Variants in POMK observed in about 807,000 individuals in gnomAD.
POMK encodes the protein protein O-mannose kinase, also known as Sugen kinase 196.
Under a neutral mutation model 23.0 loss-of-function variants are expected in POMK, and 19 were observed. That is an observed-to-expected ratio of 0.83 (90% confidence interval 0.58 to 1.21). The LOEUF (loss-of-function observed/expected upper bound fraction) is 1.21, where lower values mean the gene tolerates loss of function less well. POMK is among the 50% of genes most tolerant of loss of function. POMK has a pLI of 0.00. For missense variants in POMK, 410 were observed against 431.3 expected (o/e 0.95, Z 0.44); for synonymous variants, 173 against 171.6 (o/e 1.01, Z -0.06).
At chr8:43,116,839 T>C (rs1811808584) in intron 4 of POMK, among the ~76,000 whole-genome samples, 1 of 152,214 alleles carries the variant, frequency 6.6e-6, no homozygotes, top group Non-Finnish European at 1.5e-5. Flanking sequence ...CCAAACAGGC[T>C]TTGTGTGAGC....
chr8:43,102,147 C>T (rs1811457654), intron 2 of POMK, among the ~76,000 whole-genome samples: 1 of 152,200 alleles, frequency 6.6e-6, no homozygotes, highest in South Asian at 2.1e-4. Context: ...CTGTCTTCCC[C>T]ACTAGACTTT....
chr8:43,093,784 C>G (rs1437996442), intron 1 of POMK, among the ~76,000 whole-genome samples: 10 of 152,228 alleles, frequency 6.6e-5, no homozygotes, highest in Admixed American at 6.5e-4. Flanking sequence ...GGTAGCGGGA[C>G]GTTAAAGAAC....
intron 1 of POMK, among the ~76,000 whole-genome samples, chr8:43,097,249 AC>A (rs1811352580): frequency 6.6e-6 from 1 of 152,200 alleles, no homozygotes; most frequent in Admixed American, 6.5e-5. Context: ...TGGAGTGTGG[AC>A]CCAAGAATTT....
At position 43,122,403 on chromosome 8, in the gene POMK, C is replaced by T. The variant is rs776973821; in HGVS notation, c.579C>T (p.His193=). 1.2e-6 allele frequency: 2 copies of T among 1,614,098 alleles called. No individual in the cohort carries two copies. The highest frequency in any genetic ancestry group is 1.1e-5 in the South Asian group (1 of 91,090). ...ATGTCAGCATCATTAATTACCTGCACCACAGCCCTGTGGGCACACGGGTCA... is the reference window on the plus strand; with the variant it reads ...ATGTCAGCATCATTAATTACCTGCATCACAGCCCTGTGGGCACACGGGTCA... ...MDYVSIINYL[H]HSPVGTRVMC... is the part of the protein sequence containing the mutation. The change falls in exon 5 of 5, where the codon CAC becomes CAT. Residue 193 remains histidine, a synonymous_variant. Coordinates refer to ENST00000331373, the MANE Select transcript of POMK (RefSeq NM_032237.5).
At chr8:43,119,702 A>T (rs1327926499) in intron 4 of POMK, among the ~76,000 whole-genome samples, 2 of 152,088 alleles carry the variant, frequency 1.3e-5, no homozygotes, top group Non-Finnish European at 2.9e-5. Flanking sequence ...AAGTGCTGGG[A>T]TTACAGGCGT....
At chr8:43,111,370 G>A (rs545291404) in intron 4 of POMK, among the ~76,000 whole-genome samples, 37 of 152,330 alleles carry the variant, frequency 2.4e-4, no homozygotes, top group African/African-American at 8.4e-4. Context: ...AGCGAGGCTG[G>A]GGGAGGGGCG....
chr8:43,095,914 A>G (rs1309414830), intron 1 of POMK, among the ~76,000 whole-genome samples: 1 of 152,174 alleles, frequency 6.6e-6, no homozygotes, highest in Non-Finnish European at 1.5e-5. Context: ...GAGCTGGGAA[A>G]CTTGGATTGG....
At chr8:43,113,797 G>A (rs1811733310) in intron 4 of POMK, among the ~76,000 whole-genome samples, 1 of 152,176 alleles carries the variant, frequency 6.6e-6, no homozygotes, top group Non-Finnish European at 1.5e-5. Context: ...TGGTGTGGAT[G>A]TCCTTTCTGT....
intron 4 of POMK, among the ~76,000 whole-genome samples, chr8:43,106,443 C>G (rs1003382806): frequency 6.6e-6 from 1 of 150,630 alleles, no homozygotes; most frequent in Non-Finnish European, 1.5e-5. Context: ...TGTCTCTTAA[C>G]TCTATTTGTT....
chr8:43,113,668 TGGA>T (rs1282167792), intron 4 of POMK, among the ~76,000 whole-genome samples: 1 of 152,244 alleles, frequency 6.6e-6, no homozygotes, highest in Non-Finnish European at 1.5e-5. Context: ...TGCATTCCTT[TGGA>T]GGAGGAGAGA....
chr8:43,122,506 T>C lies in POMK; in HGVS notation c.682T>C (p.Leu228=). 3.1e-6 allele frequency: 5 copies of C among 1,614,158 alleles called. No homozygotes were observed. Among genetic ancestry groups the C allele is most frequent in the Non-Finnish European group, 4.2e-6 (5 of 1,180,012 alleles). The change falls in exon 5 of 5, where the codon TTG becomes CTG. Residue 228 remains leucine, a synonymous_variant. Transcript: ENST00000331373. The part of the protein sequence containing the change: ...TSNFSILAND[L]DALPLVNHSS... ...CAACTTCAGCATTTTGGCAAATGAC[T>C]TGGACGCCTTACCCCTGGTGAACCA...
chr8:43,101,066 A>C (rs915876301), intron 2 of POMK, among the ~76,000 whole-genome samples: 3 of 151,992 alleles, frequency 2.0e-5, no homozygotes, highest in African/African-American at 7.3e-5. Flanking sequence ...GGGGTACTGG[A>C]ATGTGTTGAG....
intron 4 of POMK, among the ~76,000 whole-genome samples, chr8:43,108,120 T>G (rs1811581316): frequency 6.6e-6 from 1 of 152,200 alleles, no homozygotes; most frequent in African/African-American, 2.4e-5. Flanking sequence ...TTGGGTAAGT[T>G]CCTCTCCTCT....
intron 1 of POMK, among the ~76,000 whole-genome samples, chr8:43,097,018 G>A (rs1212290341): frequency 6.6e-6 from 1 of 152,194 alleles, no homozygotes; most frequent in African/African-American, 2.4e-5. Flanking sequence ...TGCTTGGGAG[G>A]TGGAGGCAGG....
chr8:43,102,916 T>C (rs1215456603), intron 3 of POMK, among the ~76,000 whole-genome samples: 1 of 152,232 alleles, frequency 6.6e-6, no homozygotes, highest in Non-Finnish European at 1.5e-5. Flanking sequence ...TTATTCTAGC[T>C]CATGTACTTG....
chr8:43,095,713 CA>C (rs981167320), intron 1 of POMK, among the ~76,000 whole-genome samples: 3 of 152,128 alleles, frequency 2.0e-5, no homozygotes, highest in African/African-American at 7.2e-5. Context: ...ATCCTCTTGC[CA>C]AAACTCTGGC....
chr8:43,114,893 G>T (rs1013554953), intron 4 of POMK, among the ~76,000 whole-genome samples: 1 of 152,168 alleles, frequency 6.6e-6, no homozygotes, highest in African/African-American at 2.4e-5. Context: ...GGGGCAACAG[G>T]TATATTAAGA....
chr8:43,096,376 G>A (rs907949908), intron 1 of POMK, among the ~76,000 whole-genome samples: 1 of 152,192 alleles, frequency 6.6e-6, no homozygotes, highest in Non-Finnish European at 1.5e-5. Flanking sequence ...AGCTCTCCCT[G>A]CATGGGCCGG....
intron 3 of POMK, among the ~76,000 whole-genome samples, chr8:43,102,905 G>A (rs1811473272): frequency 6.6e-6 from 1 of 152,202 alleles, no homozygotes; most frequent in South Asian, 2.1e-4. Context: ...TCTCATCGCT[G>A]TTATTCTAGC....
Sources: allele counts gnomAD v4.1 joint callset (sites outside exome capture counted in the v4.1 genomes callset), GRCh38; gene constraint gnomAD v4.1.1; transcripts MANE v1.5; gene names NCBI Gene and HGNC (gene_info 2026-07-23, HGNC 2026-07-21).